Variants in CFAP206 observed in about 807,000 individuals in gnomAD.
CFAP206 encodes cilia- and flagella-associated protein 206.
CFAP206 carries 53 observed loss-of-function variants against 65.4 expected under a neutral mutation model. That is an observed-to-expected ratio of 0.81 (90% CI 0.65 to 1.02). The LOEUF is 1.02. Among genes scored for constraint, CFAP206 ranks in the 50% least tolerant of loss-of-function variants. The pLI, the probability that CFAP206 is intolerant of heterozygous loss-of-function variation, is 0.00. For synonymous variants in CFAP206, 250 were observed against 254.4 expected (o/e 0.98, Z 0.17); for missense variants, 663 against 753.2 (o/e 0.88, Z 1.40).
chr6:87,449,478 C>T (rs527941473), intron 11 of CFAP206, among the ~76,000 whole-genome samples: 27 of 149,542 alleles, frequency 1.8e-4, no homozygotes, highest in Middle Eastern at 3.5e-3. Context: ...CCTTTCTCTA[C>T]GTCCTCACCA....
chr6:87,410,039 A>C (rs1767706052), intron 2 of CFAP206, 92 bp downstream of exon 2: 6 of 873,506 alleles, frequency 6.9e-6, no homozygotes, highest in Non-Finnish European at 1.1e-5. Flanking sequence ...TGAGGCTTTC[A>C]TAAATGTTTT....
chr6:87,435,163 G>A, intron 11 of CFAP206, 110 bp downstream of exon 11: 3 of 737,006 alleles, frequency 4.1e-6, no homozygotes, highest in Non-Finnish European at 6.6e-6. Flanking sequence ...AGAGTCAGAT[G>A]AGGGTCTTTA....
chr6:87,455,174 G>A (rs1356526278), intron 11 of CFAP206, among the ~76,000 whole-genome samples: 5 of 151,922 alleles, frequency 3.3e-5, no homozygotes, highest in Admixed American at 1.3e-4. Context: ...CACCCACTTC[G>A]GCCTCCCAAA....
intron 11 of CFAP206, among the ~76,000 whole-genome samples, chr6:87,454,047 G>C (rs962997451): frequency 6.6e-6 from 1 of 152,072 alleles, no homozygotes; most frequent in African/African-American, 2.4e-5. Context: ...GATGAAAAAA[G>C]TTATTCCATG....
intron 12 of CFAP206, among the ~76,000 whole-genome samples, chr6:87,463,597 TTA>T (rs1396909373): frequency 2.0e-5 from 3 of 152,204 alleles, no homozygotes; most frequent in African/African-American, 4.8e-5. Context: ...TCAGACTCTT[TTA>T]TGTTAAAAAT....
chr6:87,437,825 A>ATTTTT (rs1206669821), intron 11 of CFAP206, among the ~76,000 whole-genome samples: 13 of 104,490 alleles, frequency 1.2e-4, no homozygotes, highest in African/African-American at 4.8e-4. Flanking sequence ...TGCCTGGCTA[A>ATTTTT]TTTTTTTTTT....
intron 9 of CFAP206, 98 bp downstream of exon 9, chr6:87,428,922 C>T: frequency 8.4e-7 from 1 of 1,187,154 alleles, no homozygotes; most frequent in Non-Finnish European, 1.2e-6. Flanking sequence ...TCTGATAAAG[C>T]ATTAAACATT....
chr6:87,431,358 G>C (rs1768151935), intron 10 of CFAP206, among the ~76,000 whole-genome samples, 185 bp downstream of exon 10: 1 of 152,188 alleles, frequency 6.6e-6, no homozygotes, highest in African/African-American at 2.4e-5. Flanking sequence ...ACTGACATAA[G>C]CAAGAAATTA....
chr6:87,438,691 CT>C (rs1420006804), intron 11 of CFAP206, among the ~76,000 whole-genome samples: 1 of 152,070 alleles, frequency 6.6e-6, no homozygotes, highest in African/African-American at 2.4e-5. Context: ...GTCCCTGGCT[CT>C]ATTTGTCAGA....
chr6:87,436,243 G>T (rs751659471), intron 11 of CFAP206, among the ~76,000 whole-genome samples: 3 of 151,578 alleles, frequency 2.0e-5, no homozygotes, highest in African/African-American at 2.4e-5. Flanking sequence ...ACACCATCAC[G>T]CCTGGCTAAT....
chr6:87,463,212 A>G (rs1562012633), intron 12 of CFAP206, among the ~76,000 whole-genome samples: 1 of 152,246 alleles, frequency 6.6e-6, no homozygotes, highest in Admixed American at 6.5e-5. Flanking sequence ...TGAAATGAGC[A>G]ATCAAGTTAT....
At chr6:87,430,386 A>G (rs1314891340) in intron 9 of CFAP206, among the ~76,000 whole-genome samples, 2 of 152,202 alleles carry the variant, frequency 1.3e-5, no homozygotes, top group Admixed American at 1.3e-4. Context: ...CAGTTTGCTT[A>G]TCAAATGTAA....
intron 12 of CFAP206, among the ~76,000 whole-genome samples, chr6:87,461,927 G>C (rs540542341): frequency 6.6e-6 from 1 of 152,278 alleles, no homozygotes; most frequent in African/African-American, 2.4e-5. Context: ...GTCAGAAAAG[G>C]GGGAAGCCTT....
intron 12 of CFAP206, among the ~76,000 whole-genome samples, chr6:87,462,654 A>G (rs767094248): frequency 6.6e-6 from 1 of 152,212 alleles, no homozygotes; most frequent in Non-Finnish European, 1.5e-5. Flanking sequence ...GGAGGAGGGA[A>G]GTGATGGCTG....
At chr6:87,448,004 G>C (rs192551252) in intron 11 of CFAP206, among the ~76,000 whole-genome samples, 3 of 131,814 alleles carry the variant, frequency 2.3e-5, no homozygotes, top group Non-Finnish European at 3.4e-5. Flanking sequence ...TGTGCAGAAC[G>C]TGCAGGTTTG....
intron 7 of CFAP206, among the ~76,000 whole-genome samples, chr6:87,424,501 T>G (rs934572349): frequency 5.9e-5 from 9 of 152,030 alleles, no homozygotes; most frequent in Non-Finnish European, 1.2e-4. Flanking sequence ...ATGGTCTCGA[T>G]CTCCTGACCT....
intron 11 of CFAP206, chr6:87,441,218 T>C: frequency 3.5e-6 from 1 of 287,774 alleles, no homozygotes; most frequent in Non-Finnish European, 5.6e-6. Context: ...AAAATTGTAA[T>C]CATTGAACAT....
intron 11 of CFAP206, among the ~76,000 whole-genome samples, chr6:87,447,707 A>T (rs1768467894): frequency 6.6e-6 from 1 of 152,084 alleles, no homozygotes; most frequent in Non-Finnish European, 1.5e-5. Context: ...TGAGTTAGGG[A>T]GCAGTCTTTC....
At chr6:87,424,570 C>T (rs562388797) in intron 7 of CFAP206, among the ~76,000 whole-genome samples, 5 of 152,304 alleles carry the variant, frequency 3.3e-5, no homozygotes, top group Non-Finnish European at 5.9e-5. Context: ...AGCCACCGTG[C>T]CTGGCCAAAT....
Sources: gnomAD v4.1 joint callset for allele counts (sites outside exome capture counted in the v4.1 genomes callset) on GRCh38, gnomAD v4.1.1 for gene constraint, MANE v1.5 for transcripts, NCBI Gene and HGNC (gene_info 2026-07-23, HGNC 2026-07-21) for gene names.